The following KCNH1 variants were observed in gnomAD, a reference collection of about 807,000 sequenced individuals.
KCNH1 encodes the protein potassium voltage-gated channel subfamily H member 1.
Under a neutral mutation model 69.2 loss-of-function variants are expected in KCNH1, and 27 were observed. The ratio of observed to expected loss-of-function variants is 0.39; its 90% CI spans 0.29 to 0.54. The LOEUF is 0.54. Among genes scored for constraint, KCNH1 ranks in the 20% least tolerant of loss-of-function variants. The pLI, the probability that KCNH1 is intolerant of heterozygous loss-of-function variation, is 0.68. For missense variants in KCNH1, 798 were observed against 1,261.6 expected (o/e 0.63, Z 5.57); for synonymous variants, 456 against 487.7 (o/e 0.93, Z 0.86).
intron 7 of KCNH1, among the ~76,000 whole-genome samples, chr1:210,895,377 T>C (rs1686843329): frequency 6.6e-6 from 1 of 152,202 alleles, no homozygotes; most frequent in South Asian, 2.1e-4. Context: ...AGATTAATTC[T>C]ATATCATAGA....
intron 7 of KCNH1, among the ~76,000 whole-genome samples, chr1:210,907,620 A>G (rs1460821621): frequency 1.3e-5 from 2 of 152,168 alleles, no homozygotes; most frequent in Non-Finnish European, 2.9e-5. Context: ...GGCTGAGCAC[A>G]GGTGGAGGAG....
In KCNH1 at chr1:210,799,486, A is replaced by G. The variant is rs562970723; in HGVS notation, c.1663-1726T>C. On this transcript the variant is annotated intron_variant, in intron 8 of 10. Coordinates refer to ENST00000271751, the MANE Select transcript of KCNH1 (RefSeq NM_172362.3). ...GCTATGCAGATCTCATCTTCTGAAA[A>G]GATTAAAAATTTACAGGTTTTCCTA... 6.9e-4 allele frequency among the ~76,000 whole-genome samples: 105 copies of G among 152,330 alleles called. No individual in the cohort carries two copies. In the Middle Eastern group the frequency reaches 0.024, roughly 35 times the overall value.
At chr1:210,924,346 T>C (rs1687524207) in intron 6 of KCNH1, among the ~76,000 whole-genome samples, 1 of 152,262 alleles carries the variant, frequency 6.6e-6, no homozygotes, top group Non-Finnish European at 1.5e-5. Context: ...AAATTGAAGT[T>C]TGAATTATTA....
chr1:211,036,257 G>A (rs1689894946), intron 5 of KCNH1, among the ~76,000 whole-genome samples: 1 of 152,210 alleles, frequency 6.6e-6, no homozygotes. Flanking sequence ...TGGGTGAGAG[G>A]TCTGGCAACT....
chr1:210,863,756 G>T (rs10863865), intron 7 of KCNH1, among the ~76,000 whole-genome samples: 1 of 152,000 alleles, frequency 6.6e-6, no homozygotes, highest in African/African-American at 2.4e-5. Flanking sequence ...CTCATGAAAG[G>T]CTGCAGCCAG....
chr1:210,808,693 GC>G (rs1179888377), intron 7 of KCNH1, among the ~76,000 whole-genome samples: 1 of 152,064 alleles, frequency 6.6e-6, no homozygotes, highest in East Asian at 1.9e-4. Flanking sequence ...ACCATGGCCA[GC>G]CCCTAATTTT....
chr1:210,792,929 A>G (rs1252037443), intron 9 of KCNH1, among the ~76,000 whole-genome samples: 1 of 152,172 alleles, frequency 6.6e-6, no homozygotes, highest in Non-Finnish European at 1.5e-5. Flanking sequence ...GTAACACAGA[A>G]TACCAAGATA....
At chr1:210,961,650 G>C (rs1382182194) in intron 6 of KCNH1, among the ~76,000 whole-genome samples, 1 of 152,016 alleles carries the variant, frequency 6.6e-6, no homozygotes, top group African/African-American at 2.4e-5. Context: ...AGACCAGCCT[G>C]ACCAACATGG....
At chr1:210,788,344 CTTAAAG>C (rs1558469780) in intron 9 of KCNH1, among the ~76,000 whole-genome samples, 1 of 152,154 alleles carries the variant, frequency 6.6e-6, no homozygotes, top group Non-Finnish European at 1.5e-5. Flanking sequence ...TTTTATCCCA[CTTAAAG>C]TTATATTTGA....
chr1:210,784,662 G>C (rs1051666490), intron 9 of KCNH1, among the ~76,000 whole-genome samples: 1 of 152,082 alleles, frequency 6.6e-6, no homozygotes, highest in Non-Finnish European at 1.5e-5. Flanking sequence ...TCTCATTCTA[G>C]GTTTTGTGGG....
chr1:210,946,202 A>G (rs78390312), intron 6 of KCNH1, among the ~76,000 whole-genome samples: 7,388 of 152,284 alleles, frequency 0.049, 275 homozygotes, highest in Non-Finnish European at 0.073. Context: ...GCTCCTGCTC[A>G]TCTGGAGAAT....
chr1:210,806,298 C>T (rs751498588), intron 7 of KCNH1, among the ~76,000 whole-genome samples: 1 of 152,134 alleles, frequency 6.6e-6, no homozygotes, highest in Non-Finnish European at 1.5e-5. Flanking sequence ...TTTTGATTTG[C>T]ATTTCCATAC....
In KCNH1 at chr1:211,082,901, G is replaced by A. The variant is rs752561645; in HGVS notation, c.440-3C>T. The A allele has an allele frequency of 2.5e-6, 4 of 1,610,756 alleles. No individual in the cohort carries two copies. Among genetic ancestry groups the A allele is most frequent in the African/African-American group, 2.7e-5 (2 of 74,858 alleles). On this transcript the variant is annotated splice_polypyrimidine_tract_variant and splice_region_variant and intron_variant, in intron 4 of 10. Transcript: ENST00000271751. ...CAGCCGAGCAAACTTCCCCCAGCCTGAAGCAAGTGGAAGAGTGAAAAGACA... is the reference window on the plus strand; with the variant it reads ...CAGCCGAGCAAACTTCCCCCAGCCTAAAGCAAGTGGAAGAGTGAAAAGACA...
chr1:210,986,425 T>C (rs1571553583), intron 6 of KCNH1, among the ~76,000 whole-genome samples: 1 of 152,202 alleles, frequency 6.6e-6, no homozygotes, highest in Admixed American at 6.5e-5. Context: ...CTGGTACTGG[T>C]TGTTCCTTTC....
chr1:210,827,910 G>A (rs1056319848), intron 7 of KCNH1, among the ~76,000 whole-genome samples: 39 of 152,046 alleles, frequency 2.6e-4, no homozygotes, highest in African/African-American at 9.4e-4. Context: ...GCGTGATCTC[G>A]GCCGATGGCA....
intron 6 of KCNH1, among the ~76,000 whole-genome samples, chr1:210,929,143 C>T (rs1457851698): frequency 1.3e-5 from 2 of 152,082 alleles, no homozygotes; most frequent in Non-Finnish European, 2.9e-5. Flanking sequence ...TTCCAAAAGA[C>T]AGAGAAAGAG....
In KCNH1 at chr1:210,683,982, C is replaced by A. The variant is rs1681343836; in HGVS notation, c.2269G>T (p.Gly757Trp). Reference protein sequence around the residue: ...QKEARLAAERGGRDLDDLDVE... With the variant: ...QKEARLAAERWGRDLDDLDVE... The stretch of plus-strand genomic sequence containing the variant: ...TCTAGGTCATCCAGGTCCCGGCCCC[C>A]TCTCTCAGCTGCCAGCCTGGCCTCT... The change falls in exon 11 of 11, where the codon GGG becomes TGG. Residue 757 changes from glycine to tryptophan, a missense_variant. Around this residue, in one of 4 missense-constraint regions of KCNH1, gnomAD observed 331 missense variants for 363.2 expected, o/e 0.91. Transcript: ENST00000271751. The surrounding 1 kb of genome is among the most constrained non-coding windows in gnomAD (Gnocchi z 5.7). 2 of 1,599,886 alleles carry A rather than the reference C, an allele frequency of 1.3e-6. No individual in the cohort carries two copies. Among genetic ancestry groups the A allele is most frequent in the Non-Finnish European group, 1.7e-6 (2 of 1,169,222 alleles).
intron 3 of KCNH1, among the ~76,000 whole-genome samples, chr1:211,095,744 T>C (rs1691136186): frequency 6.6e-6 from 1 of 152,200 alleles, no homozygotes; most frequent in Non-Finnish European, 1.5e-5. Flanking sequence ...GACTTGAGGA[T>C]GGTAGCCTAC....
At chr1:211,045,338 G>T (rs1475689384) in intron 5 of KCNH1, among the ~76,000 whole-genome samples, 1 of 151,724 alleles carries the variant, frequency 6.6e-6, no homozygotes, top group Non-Finnish European at 1.5e-5. Flanking sequence ...GGTGATGGGT[G>T]CACCAAAATC....
Sources: allele counts gnomAD v4.1 joint callset (sites outside exome capture counted in the v4.1 genomes callset), GRCh38; gene constraint gnomAD v4.1.1; regional missense constraint gnomAD v4.1.1; non-coding constraint Gnocchi (gnomAD v3.1); transcripts MANE v1.5; gene names NCBI Gene and HGNC (gene_info 2026-07-23, HGNC 2026-07-21).